KCNQ4: variants seen among roughly 807,000 people sequenced by gnomAD.
The protein encoded by KCNQ4 is potassium voltage-gated channel subfamily Q member 4.
KCNQ4 carries 31 observed loss-of-function variants against 72.6 expected under a neutral mutation model. The observed-to-expected ratio is 0.43, with a 90% CI of 0.32 to 0.58. KCNQ4 has a LOEUF of 0.58. Ranked by LOEUF, KCNQ4 falls within the 20% of genes least tolerant of loss-of-function variation. The pLI, the probability that KCNQ4 is intolerant of heterozygous loss-of-function variation, is 0.08. For synonymous variants in KCNQ4, 405 were observed against 403.7 expected (o/e 1.00, Z -0.04); for missense variants, 869 against 962.6 (o/e 0.90, Z 1.29).
chr1:40,806,307 C>T (rs1647758992), intron 1 of KCNQ4, among the ~76,000 whole-genome samples: 1 of 152,182 alleles, frequency 6.6e-6, no homozygotes, highest in Non-Finnish European at 1.5e-5. Flanking sequence ...CTTTCAATGG[C>T]ATCCTGCTTG....
chr1:40,805,460 G>A (rs112987189), intron 1 of KCNQ4, among the ~76,000 whole-genome samples: 6 of 152,224 alleles, frequency 3.9e-5, no homozygotes, highest in African/African-American at 1.4e-4. Context: ...TCCACTCTGG[G>A]ATCACTCCTT....
rs1267031417 is a variant in KCNQ4, at chr1:40,784,178, G to A, written c.85G>A (p.Val29Met). 2 of 1,122,100 alleles carry A rather than the reference G, an allele frequency of 1.8e-6. No homozygotes were observed. Among genetic ancestry groups the A allele is most frequent in the Non-Finnish European group, 2.2e-6 (2 of 914,270 alleles). 69.5% of individuals were successfully genotyped at this position (1,122,100 alleles called of 1,614,324 possible). The change falls in exon 1 of 14, where the codon GTG becomes ATG. Residue 29 changes from valine to methionine, a missense_variant. Physicochemically the swap from Val to Met is conservative, Grantham distance 21. Around this residue, in one of 5 missense-constraint regions of KCNQ4, gnomAD observed 178 missense variants for 145.3 expected, o/e 1.22. Transcript: ENST00000347132. The surrounding 1 kb of genome is among the most constrained non-coding windows in gnomAD (Gnocchi z 4.1). ...PRAELVALTA[V>M]QSEQGEAGGG... is the part of the protein sequence containing the mutation. ...CGCGGAGCTAGTGGCGCTCACGGCC[G>A]TGCAGAGCGAACAGGGCGAGGCGGG...
intron 9 of KCNQ4, among the ~76,000 whole-genome samples, chr1:40,824,892 T>C (rs768322580): frequency 5.3e-5 from 8 of 152,248 alleles, no homozygotes; most frequent in Non-Finnish European, 1.0e-4. Context: ...GGGTTCTGTT[T>C]CCTTCCTTAC....
In KCNQ4 at chr1:40,834,973, C is replaced by T; in HGVS notation, c.1620C>T (p.Leu540=). The T allele has an allele frequency of 6.2e-7, 1 of 1,613,648 alleles. No individual in the cohort carries two copies. The highest frequency in any genetic ancestry group is 8.5e-7 in the Non-Finnish European group (1 of 1,179,696). ...VKTVIRSIRI[L]KFLVAKRKFK... ...GAGCCCCCTCCCCCAACAGGATTCT[C>T]AAGTTCCTGGTGGCCAAAAGGAAAT... Residue 540 remains leucine (L), a synonymous_variant, in exon 12 of 14, where the codon CTC becomes CTT. Transcript: ENST00000347132.
intron 12 of KCNQ4, 29 bp from the exon 13 acceptor site, chr1:40,837,636 G>C: frequency 1.9e-6 from 3 of 1,602,832 alleles, no homozygotes; most frequent in South Asian, 2.2e-5. Flanking sequence ...GCGTGTCCCC[G>C]GGCCCTCTGA....
chr1:40,805,297 T>A (rs1647724811), intron 1 of KCNQ4, among the ~76,000 whole-genome samples: 1 of 152,158 alleles, frequency 6.6e-6, no homozygotes, highest in Non-Finnish European at 1.5e-5. Flanking sequence ...TGTGTGATCT[T>A]TTTAAACATA....
At chr1:40,816,969 C>T (rs542346863) in intron 1 of KCNQ4, among the ~76,000 whole-genome samples, 55 of 152,356 alleles carry the variant, frequency 3.6e-4, no homozygotes, top group African/African-American at 1.3e-3. Context: ...AACCCTGAGT[C>T]AGTCTATTTC....
chr1:40,836,782 AG>A (rs1648816207), intron 12 of KCNQ4, among the ~76,000 whole-genome samples: 1 of 152,194 alleles, frequency 6.6e-6, no homozygotes, highest in Non-Finnish European at 1.5e-5. Flanking sequence ...AAGTAAAATG[AG>A]GACAGGAGTT....
At chr1:40,796,732 C>A (rs1647421285) in intron 1 of KCNQ4, among the ~76,000 whole-genome samples, 1 of 152,162 alleles carries the variant, frequency 6.6e-6, no homozygotes, top group Non-Finnish European at 1.5e-5. Context: ...GCCTGGCCAA[C>A]ATGGTGAAAC....
At chr1:40,815,409 C>G (rs751467288) in intron 1 of KCNQ4, among the ~76,000 whole-genome samples, 21 of 152,102 alleles carry the variant, frequency 1.4e-4, no homozygotes, top group Non-Finnish European at 3.1e-4. Flanking sequence ...TGTGGCCATT[C>G]CCCGAGGAGA....
At chr1:40,792,007 T>C (rs1647292862) in intron 1 of KCNQ4, among the ~76,000 whole-genome samples, 1 of 144,434 alleles carries the variant, frequency 6.9e-6, no homozygotes, top group East Asian at 2.3e-4. Flanking sequence ...GAGATGCCTG[T>C]TCCCTTTGAG....
Position 40,819,333 on chromosome 1 carries a change from C to G in KCNQ4, c.709-14C>G. On this transcript the variant is annotated splice_polypyrimidine_tract_variant and intron_variant, in intron 4 of 13. Coordinates refer to ENST00000347132, the MANE Select transcript of KCNQ4 (RefSeq NM_004700.4). The stretch of plus-strand genomic sequence containing the variant: ...CACAGCGCTCCTCACCGCGCCCCTC[C>G]GCCTGCCCCGCAGGAGCTGATCACC... 1 of 1,613,570 alleles carries G rather than the reference C, an allele frequency of 6.2e-7. No homozygotes were observed. The highest frequency in any genetic ancestry group is 1.1e-5 in the South Asian group (1 of 91,088).
chr1:40,831,061 T>C (rs768353712), intron 9 of KCNQ4, 23 bp from the exon 10 acceptor site: 1 of 1,557,114 alleles, frequency 6.4e-7, no homozygotes, highest in South Asian at 1.2e-5. Context: ...CTTGGCTCTC[T>C]CCCAACCTGC....
At chr1:40,792,624 C>G (rs1647305282) in intron 1 of KCNQ4, among the ~76,000 whole-genome samples, 1 of 151,992 alleles carries the variant, frequency 6.6e-6, no homozygotes, top group South Asian at 2.1e-4. Flanking sequence ...TGAACTCATT[C>G]ACTCATCTCA....
chr1:40,797,345 G>A (rs1647444855), intron 1 of KCNQ4, among the ~76,000 whole-genome samples: 1 of 152,240 alleles, frequency 6.6e-6, no homozygotes, highest in African/African-American at 2.4e-5. Flanking sequence ...AAGGAGCAAG[G>A]AACAGTGTTT....
At position 40,809,792 on chromosome 1, in the gene KCNQ4, C is replaced by T. The variant is rs138829070; in HGVS notation, c.315-7473C>T. Among the ~76,000 whole-genome samples the T allele has an allele frequency of 5.1e-4, 78 of 152,274 alleles. 1 individual carries two copies. The highest frequency in any genetic ancestry group is 1.8e-3 in the African/African-American group (74 of 41,554). On this transcript the variant is annotated intron_variant, in intron 1 of 13. Transcript: ENST00000347132. ...TTAGAACTCCACAATTGGCCAGGTGCGGTGGCTCACGCCTGTAATCCCAGC... is the reference window on the plus strand; with the variant it reads ...TTAGAACTCCACAATTGGCCAGGTGTGGTGGCTCACGCCTGTAATCCCAGC...
chr1:40,806,383 C>T (rs1158433907), intron 1 of KCNQ4, among the ~76,000 whole-genome samples: 6 of 152,202 alleles, frequency 3.9e-5, no homozygotes, highest in African/African-American at 1.4e-4. Context: ...GATGGATGCC[C>T]CTGTGTCCTC....
intron 1 of KCNQ4, among the ~76,000 whole-genome samples, chr1:40,806,900 G>A (rs1030876646): frequency 6.6e-6 from 1 of 152,170 alleles, no homozygotes; most frequent in African/African-American, 2.4e-5. Flanking sequence ...CCCTTCTTGG[G>A]TCAGTCTCCA....
Position 40,837,733 on chromosome 1 carries a change from C to A in KCNQ4, c.1814C>A (p.Ser605Tyr), listed in dbSNP as rs781479643. The A allele has an allele frequency of 6.2e-7, 1 of 1,612,874 alleles. No individual in the cohort carries two copies. Among genetic ancestry groups the A allele is most frequent in the Non-Finnish European group, 8.5e-7 (1 of 1,179,574 alleles). Residue 605 changes from serine (S) to tyrosine (Y), a missense_variant, in exon 13 of 14, where the codon TCC (serine) becomes TAC (tyrosine). Ser to Tyr is a moderately radical substitution (Grantham distance 144). Around this residue, in one of 5 missense-constraint regions of KCNQ4, gnomAD observed 480 missense variants for 501.9 expected, o/e 0.96. Transcript: ENST00000347132. ...KAREKGDKGP[S>Y]DAEVVDEISM... is the part of the protein sequence containing the mutation. ...CGGGAGAAGGGCGACAAGGGGCCCT[C>A]CGACGCGGAGGTGGTGGATGAAATC...
Sources: gnomAD v4.1 joint callset for allele counts (sites outside exome capture counted in the v4.1 genomes callset) on GRCh38, gnomAD v4.1.1 for gene constraint, gnomAD v4.1.1 regional missense constraint, Gnocchi (gnomAD v3.1) non-coding constraint, MANE v1.5 for transcripts, NCBI Gene and HGNC (gene_info 2026-07-23, HGNC 2026-07-21) for gene names.